NGF: variants seen among roughly 807,000 people sequenced by gnomAD.
NGF encodes the protein beta-nerve growth factor.
Under a neutral mutation model 12.8 loss-of-function variants are expected in NGF, and 4 were observed. The ratio of observed to expected loss-of-function variants is 0.31; its 90% CI spans 0.15 to 0.72. The LOEUF (loss-of-function observed/expected upper bound fraction) is 0.72. NGF is among the 30% of genes least tolerant of loss of function. NGF has a pLI of 0.69. For missense variants in NGF, 283 were observed against 330.8 expected (o/e 0.86, Z 1.12); for synonymous variants, 140 against 130.0 (o/e 1.08, Z -0.52).
intron 1 of NGF, among the ~76,000 whole-genome samples, chr1:115,330,889 G>T (rs1465798604): frequency 3.3e-5 from 5 of 152,120 alleles, no homozygotes; most frequent in African/African-American, 1.2e-4. Context: ...TACTGAGTAG[G>T]GTTGTGATTT....
intron 1 of NGF, among the ~76,000 whole-genome samples, chr1:115,320,439 C>T (rs564784607): frequency 6.6e-6 from 1 of 152,286 alleles, no homozygotes; most frequent in East Asian, 1.9e-4. Flanking sequence ...TGAATACAAG[C>T]ACTGCCATAC....
chr1:115,300,782 CT>C (rs1340278021), intron 1 of NGF, among the ~76,000 whole-genome samples: 2 of 152,256 alleles, frequency 1.3e-5, no homozygotes, highest in Non-Finnish European at 2.9e-5. Flanking sequence ...GAAGAATTTA[CT>C]TCCATGAGTG....
chr1:115,294,321 T>C (rs1385062264), intron 1 of NGF, among the ~76,000 whole-genome samples: 1 of 152,178 alleles, frequency 6.6e-6, no homozygotes, highest in African/African-American at 2.4e-5. Flanking sequence ...GATTTTAGGA[T>C]TGGAAGCTAT....
chr1:115,312,404 AT>A (rs1327071622), intron 1 of NGF, among the ~76,000 whole-genome samples: 5 of 152,334 alleles, frequency 3.3e-5, no homozygotes, highest in African/African-American at 1.2e-4. Flanking sequence ...CTAGACAAGT[AT>A]AAGGCATGAG....
chr1:115,306,494 T>C (rs1218857452), intron 1 of NGF, among the ~76,000 whole-genome samples: 2 of 152,234 alleles, frequency 1.3e-5, no homozygotes, highest in Admixed American at 6.5e-5. Flanking sequence ...TTTGCTTTCA[T>C]TTTTAGCAGG....
At chr1:115,291,248 C>T (rs750229336) in intron 2 of NGF, among the ~76,000 whole-genome samples, 2 of 152,112 alleles carry the variant, frequency 1.3e-5, no homozygotes, top group Non-Finnish European at 2.9e-5. Flanking sequence ...AAAAAACTCT[C>T]TTAAAAGTGA....
At chr1:115,322,310 T>C (rs1002825117) in intron 1 of NGF, among the ~76,000 whole-genome samples, 15 of 152,054 alleles carry the variant, frequency 9.9e-5, no homozygotes, top group Admixed American at 6.6e-4. Context: ...CCCAGGAATG[T>C]AGGGTGACAG....
intron 1 of NGF, among the ~76,000 whole-genome samples, chr1:115,322,926 G>A (rs927215890): frequency 6.6e-6 from 1 of 152,088 alleles, no homozygotes; most frequent in Non-Finnish European, 1.5e-5. Context: ...TACTTCCCAA[G>A]ATTTTAATAA....
At position 115,294,307 on chromosome 1, in the gene NGF, G is replaced by A. The variant is rs184861079; in HGVS notation, c.-136-557C>T. 4.1e-3 allele frequency among the ~76,000 whole-genome samples: 628 copies of A among 152,292 alleles called. 3 individuals carry two copies. The highest frequency in any genetic ancestry group is 0.014 in the African/African-American group (588 of 41,560). On this transcript the variant is annotated intron_variant, in intron 1 of 2. Coordinates refer to ENST00000369512, the MANE Select transcript of NGF (RefSeq NM_002506.3). ...GGAATCTCAGAGTACCACACTGAAA[G>A]GCAGATTTTAGGATTGGAAGCTATG...
At chr1:115,324,405 C>T (rs1269782393) in intron 1 of NGF, among the ~76,000 whole-genome samples, 1 of 152,162 alleles carries the variant, frequency 6.6e-6, no homozygotes, top group Non-Finnish European at 1.5e-5. Context: ...CTCTTCACCC[C>T]AGGATGAGCC....
intron 1 of NGF, among the ~76,000 whole-genome samples, chr1:115,300,608 G>A (rs967975038): frequency 6.6e-6 from 1 of 152,210 alleles, no homozygotes; most frequent in Non-Finnish European, 1.5e-5. Context: ...CTGCCATCGC[G>A]TCTTGAGCTC....
rs1036290900 is a variant in NGF at position 115,328,724 on chromosome 1, G to A, written c.-137+9480C>T. ...TGCCAAAGTCACTGAACCCACACTAGGACCAAAGCGTTTACCCCAGTGGCA... is the reference window on the plus strand; with the variant it reads ...TGCCAAAGTCACTGAACCCACACTAAGACCAAAGCGTTTACCCCAGTGGCA... On this transcript the variant is annotated intron_variant, in intron 1 of 2. Transcript: ENST00000369512. Among the ~76,000 whole-genome samples, 6 of 152,150 alleles carry A rather than the reference G, an allele frequency of 3.9e-5. No homozygotes were observed. In the East Asian group the frequency reaches 1.2e-3, roughly 29 times the overall value.
chr1:115,333,692 T>C (rs1655004576), intron 1 of NGF, among the ~76,000 whole-genome samples: 2 of 58,512 alleles, frequency 3.4e-5, no homozygotes, highest in African/African-American at 4.2e-4. Context: ...TTTCTTTCTT[T>C]CTTTCTTTCT....
At chr1:115,300,800 T>C (rs1490298073) in intron 1 of NGF, among the ~76,000 whole-genome samples, 1 of 152,232 alleles carries the variant, frequency 6.6e-6, no homozygotes, top group South Asian at 2.1e-4. Context: ...AGTGTGTTTG[T>C]CAGGGGGCTT....
chr1:115,337,774 C>A (rs1050728705), intron 1 of NGF, among the ~76,000 whole-genome samples: 1 of 152,160 alleles, frequency 6.6e-6, no homozygotes, highest in African/African-American at 2.4e-5. Flanking sequence ...CTGCGCTCCC[C>A]CCGCGGTGCT....
intron 1 of NGF, among the ~76,000 whole-genome samples, chr1:115,307,748 C>G (rs1281354550): frequency 6.6e-6 from 1 of 152,164 alleles, no homozygotes; most frequent in Non-Finnish European, 1.5e-5. Context: ...AAGCTCAAAC[C>G]CAGTGATAAC....
chr1:115,324,408 GA>G (rs1654713713), intron 1 of NGF, among the ~76,000 whole-genome samples: 1 of 152,098 alleles, frequency 6.6e-6, no homozygotes, highest in Non-Finnish European at 1.5e-5. Context: ...TTCACCCCAG[GA>G]TGAGCCAACC....
intron 1 of NGF, among the ~76,000 whole-genome samples, chr1:115,309,407 T>C (rs1654284299): frequency 1.3e-5 from 2 of 152,242 alleles, no homozygotes; most frequent in South Asian, 4.1e-4. Flanking sequence ...ATAAATATTT[T>C]GAAATAAACT....
At chr1:115,315,810 G>A (rs1454602275) in intron 1 of NGF, among the ~76,000 whole-genome samples, 2 of 152,076 alleles carry the variant, frequency 1.3e-5, no homozygotes, top group Admixed American at 6.5e-5. Flanking sequence ...TACGTGATTC[G>A]ACTTCTGACT....
Sources: allele counts gnomAD v4.1 joint callset (sites outside exome capture counted in the v4.1 genomes callset), GRCh38; gene constraint gnomAD v4.1.1; transcripts MANE v1.5; gene names NCBI Gene and HGNC (gene_info 2026-07-23, HGNC 2026-07-21).